The following WDR19 variants were observed in gnomAD, a reference collection of about 807,000 sequenced individuals.
The protein encoded by WDR19 is WD repeat domain 19, also known as WD repeat-containing protein 19.
WDR19 carries 121 observed loss-of-function variants against 180.0 expected under a neutral mutation model. The observed-to-expected ratio is 0.67, with a 90% CI of 0.58 to 0.78. The LOEUF (loss-of-function observed/expected upper bound fraction) is 0.78. Among genes scored for constraint, WDR19 ranks in the 30% least tolerant of loss-of-function variants. WDR19 has a pLI of 0.00. For synonymous variants in WDR19, 497 were observed against 540.7 expected, an observed-to-expected ratio of 0.92 and a Z score of 1.12; for missense variants, 1,450 against 1,640.7, an observed-to-expected ratio of 0.88 and a Z score of 2.01.
rs767684356 is a variant in WDR19 at position 39,234,835 on chromosome 4, C to T, written c.2323C>T (p.Pro775Ser). Reference sequence around the variant, plus strand: ...AAAGCATTTGGCCCCAGACCAGATACCTTTTATATCAAAAGAATATGCTAT... The same window carrying T: ...AAAGCATTTGGCCCCAGACCAGATATCTTTTATATCAAAAGAATATGCTAT... ...LAKHLAPDQI[P>S]FISKEYAIQL... is the part of the protein sequence containing the mutation. The change falls in exon 20 of 37, where the codon CCT (proline) becomes TCT (serine). Residue 775 changes from proline to serine, a missense_variant. Transcript: ENST00000399820. The T allele has an allele frequency of 1.3e-6, 2 of 1,575,878 alleles. No individual in the cohort carries two copies. Among genetic ancestry groups the T allele is most frequent in the South Asian group, 2.3e-5 (2 of 85,588 alleles).
chr4:39,237,776 C>G (rs2109386490), intron 20 of WDR19: 1 of 152,320 alleles, frequency 6.6e-6, no homozygotes, highest in South Asian at 2.1e-4. Context: ...TGCCCTGGCC[C>G]TCCACCTGCA....
At chr4:39,228,983 A>G (rs886927126) in intron 17 of WDR19, among the ~76,000 whole-genome samples, 1 of 152,080 alleles carries the variant, frequency 6.6e-6, no homozygotes, top group East Asian at 1.9e-4. Flanking sequence ...AGTTGCCAGT[A>G]TCTATTATTC....
In WDR19 at chr4:39,245,565, C is replaced by A; in HGVS notation, c.2729+113C>A. 8.8e-6 allele frequency: 9 copies of A among 1,020,562 alleles called. No individual in the cohort carries two copies. In the East Asian group the frequency reaches 2.1e-4, roughly 24 times the overall value. The allele number at this position is 1,020,562 out of a possible 1,614,324, so 63.2% of individuals were successfully genotyped here. A position where few individuals can be genotyped will look rare whatever the true frequency, so the allele number is the denominator to read the frequency against. ...GCAAACCAGAGAAAGACAGAAAACA[C>A]CTTTAATTACCCCTTGTTGGCCTGA... On this transcript the variant is annotated intron_variant, in intron 24 of 36. Transcript: ENST00000399820.
chr4:39,226,992 G>A (rs980040867), intron 15 of WDR19, among the ~76,000 whole-genome samples: 2 of 152,042 alleles, frequency 1.3e-5, no homozygotes, highest in South Asian at 2.1e-4. Context: ...TAATAATCGC[G>A]ATTCTGACTG....
chr4:39,230,745 G>A (rs963178570), intron 17 of WDR19, among the ~76,000 whole-genome samples: 3 of 152,130 alleles, frequency 2.0e-5, no homozygotes, highest in South Asian at 2.1e-4. Flanking sequence ...AGCATGTAAC[G>A]AGTTCAGTAA....
intron 20 of WDR19, among the ~76,000 whole-genome samples, chr4:39,238,473 A>C (rs1210285447): frequency 1.3e-5 from 2 of 152,230 alleles, no homozygotes; most frequent in African/African-American, 2.4e-5. Flanking sequence ...GGAAAATCTC[A>C]GGCTCCTGTG....
At chr4:39,245,930 C>A (rs746697042) in intron 24 of WDR19, among the ~76,000 whole-genome samples, 6 of 152,062 alleles carry the variant, frequency 3.9e-5, no homozygotes, top group Admixed American at 2.0e-4. Context: ...TATTGTAATA[C>A]AGTTAAAATA....
intron 9 of WDR19, chr4:39,205,992 C>T (rs866037074): frequency 2.6e-5 from 9 of 342,082 alleles, no homozygotes; most frequent in South Asian, 2.0e-4. Flanking sequence ...CCACTGAGTA[C>T]AGCTATAAAA....
chr4:39,200,985 G>A (rs1156960990), intron 6 of WDR19, among the ~76,000 whole-genome samples: 1 of 152,134 alleles, frequency 6.6e-6, no homozygotes, highest in Admixed American at 6.6e-5. Flanking sequence ...AAGATAGAAG[G>A]CTATCTGAAT....
chr4:39,243,537 A>G (rs1481313449), intron 21 of WDR19, among the ~76,000 whole-genome samples: 3 of 152,104 alleles, frequency 2.0e-5, no homozygotes, highest in Non-Finnish European at 4.4e-5. Flanking sequence ...GGCTACATCA[A>G]TTTTAGTTCA....
At chr4:39,223,635 C>T (rs769111560) in intron 14 of WDR19, among the ~76,000 whole-genome samples, 12 of 152,174 alleles carry the variant, frequency 7.9e-5, no homozygotes, top group Non-Finnish European at 1.8e-4. Context: ...AGCCACCACG[C>T]CTGGCCAAAT....
intron 24 of WDR19, among the ~76,000 whole-genome samples, chr4:39,247,219 A>AC: frequency 6.6e-6 from 1 of 152,164 alleles, no homozygotes; most frequent in African/African-American, 2.4e-5. Context: ...TTCTGCAGCC[A>AC]CCACTGCTGA....
chr4:39,259,503 T>G lies in WDR19; in HGVS notation c.3183+1949T>G, dbSNP rs182880850. Among the ~76,000 whole-genome samples the G allele has an allele frequency of 2.5e-3, 381 of 152,350 alleles. 2 individuals are homozygous for G. The highest frequency in any genetic ancestry group is 3.9e-3 in the Non-Finnish European group (266 of 68,034). On this transcript the variant is annotated intron_variant, in intron 28 of 36. Transcript: ENST00000399820. ...TTTATATAAATGGAACCATATAATA[T>G]GTGGCCTTTTGTGCCTGCTTCTCTC...
intron 5 of WDR19, among the ~76,000 whole-genome samples, chr4:39,195,719 C>T (rs927312344): frequency 1.3e-5 from 2 of 152,182 alleles, no homozygotes; most frequent in African/African-American, 4.8e-5. Flanking sequence ...GTATAACTTA[C>T]TGCTAATAAA....
intron 28 of WDR19, among the ~76,000 whole-genome samples, chr4:39,263,523 C>T (rs1303224816): frequency 6.6e-6 from 1 of 152,136 alleles, no homozygotes; most frequent in African/African-American, 2.4e-5. Flanking sequence ...GTTGCCTTTG[C>T]CTGGCCACAT....
intron 3 of WDR19, among the ~76,000 whole-genome samples, chr4:39,187,543 C>G (rs1201607841): frequency 6.6e-6 from 1 of 151,792 alleles, no homozygotes; most frequent in Non-Finnish European, 1.5e-5. Context: ...GGTTTTACTT[C>G]TCTTGGTCTC....
intron 21 of WDR19, among the ~76,000 whole-genome samples, chr4:39,242,911 G>T (rs373846911): frequency 1.3e-5 from 2 of 151,930 alleles, no homozygotes; most frequent in Admixed American, 6.6e-5. Context: ...CAAGTGATCC[G>T]CCCACCTCAG....
chr4:39,205,063 A>G (rs1727803074), intron 7 of WDR19, 91 bp from the exon 8 acceptor site: 4 of 879,176 alleles, frequency 4.5e-6, no homozygotes, highest in Non-Finnish European at 5.2e-6. Flanking sequence ...TATTATTTTC[A>G]CAAATTAGGT....
chr4:39,215,795 CTA>C (rs774712442), intron 10 of WDR19, 44 bp from the exon 11 acceptor site: 1 of 1,530,728 alleles, frequency 6.5e-7, no homozygotes, highest in Non-Finnish European at 8.8e-7. Context: ...CTGCCTGCAA[CTA>C]TATATTGTTT....
Sources: gnomAD v4.1 joint callset for allele counts (sites outside exome capture counted in the v4.1 genomes callset) on GRCh38, gnomAD v4.1.1 for gene constraint, MANE v1.5 for transcripts, NCBI Gene and HGNC (gene_info 2026-07-23, HGNC 2026-07-21) for gene names.